Variants in TGFB2 observed in about 807,000 individuals in gnomAD.
TGFB2 encodes the protein transforming growth factor beta 2.
A neutral mutation model predicts 42.7 loss-of-function variants in TGFB2; 13 were observed. That is an observed-to-expected ratio of 0.30 (90% confidence interval 0.20 to 0.48). TGFB2 has a LOEUF of 0.48. Ranked by LOEUF, TGFB2 falls within the 20% of genes least tolerant of loss-of-function variation. The pLI is 0.99. For synonymous variants in TGFB2, 193 were observed against 193.6 expected, an observed-to-expected ratio of 1.00 and a Z score of 0.03; for missense variants, 390 against 517.5, an observed-to-expected ratio of 0.75 and a Z score of 2.39.
At chr1:218,384,670 C>T (rs1385128805) in intron 1 of TGFB2, among the ~76,000 whole-genome samples, 2 of 152,194 alleles carry the variant, frequency 1.3e-5, no homozygotes, top group Non-Finnish European at 2.9e-5. Context: ...GGCTGGCTTT[C>T]CAGGCAGTGG....
Position 218,405,332 on chromosome 1 carries a change from G to C in TGFB2, c.510G>C (p.Gln170His). The change falls in exon 2 of 7, where the codon CAG becomes CAC. Residue 170 changes from glutamine (Q) to histidine (H), a missense_variant and splice_region_variant. By Grantham distance (24) the Gln-to-His change is conservative. Coordinates refer to ENST00000366930, the MANE Select transcript of TGFB2 (RefSeq NM_003238.6). Reference sequence around the variant, plus strand: ...CTGAACAACGGATTGAGCTATATCAGGTAATGTTCATTTGTTGTTGTTGTT... The same window carrying C: ...CTGAACAACGGATTGAGCTATATCACGTAATGTTCATTTGTTGTTGTTGTT... ...RVPEQRIELY[Q>H]ILKSKDLTSP... 5 of 1,612,482 alleles carry C rather than the reference G, an allele frequency of 3.1e-6. No homozygotes were observed. Among genetic ancestry groups the C allele is most frequent in the Non-Finnish European group, 4.2e-6 (5 of 1,179,906 alleles).
At chr1:218,401,756 C>T (rs56019581) in intron 1 of TGFB2, among the ~76,000 whole-genome samples, 1 of 152,080 alleles carries the variant, frequency 6.6e-6, no homozygotes, top group Non-Finnish European at 1.5e-5. Flanking sequence ...CAAGACTAAG[C>T]GGGTGGATCA....
At chr1:218,377,960 GTTTGT>G (rs1033955718) in intron 1 of TGFB2, among the ~76,000 whole-genome samples, 1 of 122,238 alleles carries the variant, frequency 8.2e-6, no homozygotes, top group Admixed American at 7.4e-5. Context: ...ATTATAGTGT[GTTTGT>G]TTGTTTGTTT....
Position 218,441,466 on chromosome 1 carries a change from T to C in TGFB2, c.*104T>C. The C allele has an allele frequency of 7.7e-7, 1 of 1,295,370 alleles. No homozygotes were observed. The highest frequency in any genetic ancestry group is 1.0e-6 in the Non-Finnish European group (1 of 973,480). The allele number at this position is 1,295,370 out of a possible 1,614,324, so 80.2% of individuals were successfully genotyped here. On this transcript the variant is annotated 3_prime_UTR_variant, in exon 7 of 7. Coordinates refer to ENST00000366930, the MANE Select transcript of TGFB2 (RefSeq NM_003238.6). Reference sequence around the variant, plus strand: ...ACAAGAAAACATAAGAGAGCCTTGGTTCATCAGTGTTAAAAAATTTTTGAA... The same window carrying C: ...ACAAGAAAACATAAGAGAGCCTTGGCTCATCAGTGTTAAAAAATTTTTGAA...
rs1658335953 is a variant in TGFB2 at position 218,392,166 on chromosome 1, A to AT, written c.347-13003_347-13002insT. Reference sequence around the variant, plus strand: ...AGAGATCGAGACCATCCTGGCCAATACGTGAAACCCCATCTCTACTAAAAA... The same window carrying AT: ...AGAGATCGAGACCATCCTGGCCAATATCGTGAAACCCCATCTCTACTAAAAA... On this transcript the variant is annotated intron_variant, in intron 1 of 6. Transcript: ENST00000366930. Among the ~76,000 whole-genome samples the AT allele has an allele frequency of 2.0e-5, 3 of 152,288 alleles. No homozygotes were observed. In the South Asian group the frequency reaches 6.2e-4, roughly 32 times the overall value.
At chr1:218,418,219 G>A (rs1403856137) in intron 2 of TGFB2, among the ~76,000 whole-genome samples, 2 of 152,244 alleles carry the variant, frequency 1.3e-5, no homozygotes, top group East Asian at 1.9e-4. Flanking sequence ...AAGCCATGGG[G>A]GCAGAGCTGC....
intron 1 of TGFB2, among the ~76,000 whole-genome samples, chr1:218,363,036 C>T (rs974548793): frequency 1.3e-5 from 2 of 152,136 alleles, no homozygotes; most frequent in Admixed American, 6.5e-5. Context: ...ATTTATTTTA[C>T]CGTTTCAGTA....
intron 1 of TGFB2, among the ~76,000 whole-genome samples, chr1:218,386,339 G>T (rs1658136699): frequency 1.3e-5 from 2 of 152,140 alleles, no homozygotes; most frequent in South Asian, 4.1e-4. Context: ...AACCTAGTAG[G>T]CACTATCAAT....
intron 1 of TGFB2, chr1:218,363,381 T>C: frequency 6.2e-7 from 1 of 1,614,050 alleles, no homozygotes; most frequent in Non-Finnish European, 8.5e-7. Context: ...GGGCAGCTTG[T>C]GCTCCAGACA....
chr1:218,435,957 G>C lies in TGFB2; in HGVS notation c.755-13G>C, dbSNP rs764733060. 3 of 1,589,676 alleles carry C rather than the reference G, an allele frequency of 1.9e-6. No homozygotes were observed. The highest frequency in any genetic ancestry group is 1.2e-5 in the South Asian group (1 of 86,176). On this transcript the variant is annotated splice_polypyrimidine_tract_variant and intron_variant, in intron 4 of 6. Transcript: ENST00000366930. ...GAAGCTAAATGTTTATTACCCAAAT[G>C]CATTTTTTCAAGGTATTGATGGCAC...
intron 2 of TGFB2, among the ~76,000 whole-genome samples, chr1:218,423,069 T>A (rs1558256796): frequency 6.6e-6 from 1 of 152,156 alleles, no homozygotes; most frequent in Non-Finnish European, 1.5e-5. Context: ...GGGAGTGATG[T>A]GTTGGAGAAT....
intron 1 of TGFB2, among the ~76,000 whole-genome samples, chr1:218,364,202 G>A (rs768168583): frequency 4.6e-5 from 7 of 152,238 alleles, no homozygotes; most frequent in East Asian, 1.9e-4. Context: ...GAAATGGATC[G>A]TCATGGGTCA....
chr1:218,417,618 T>C (rs187701710), intron 2 of TGFB2, among the ~76,000 whole-genome samples: 2 of 152,262 alleles, frequency 1.3e-5, no homozygotes, highest in East Asian at 3.9e-4. Flanking sequence ...CCCAAGACAA[T>C]GGGAAAAATG....
chr1:218,389,016 T>C (rs1658229650), intron 1 of TGFB2, among the ~76,000 whole-genome samples: 1 of 152,136 alleles, frequency 6.6e-6, no homozygotes, highest in Non-Finnish European at 1.5e-5. Context: ...GAGCTCGATG[T>C]CAGAAGATGA....
At chr1:218,438,932 C>T (rs1362314604) in intron 6 of TGFB2, among the ~76,000 whole-genome samples, 1 of 152,022 alleles carries the variant, frequency 6.6e-6, no homozygotes, top group Admixed American at 6.6e-5. Flanking sequence ...GATGATGAAA[C>T]CCCGTCTCTA....
chr1:218,407,462 T>G (rs947023043), intron 2 of TGFB2, among the ~76,000 whole-genome samples: 1 of 152,142 alleles, frequency 6.6e-6, no homozygotes, highest in East Asian at 1.9e-4. Context: ...AACCTGTTTT[T>G]GAGACTTTTA....
intron 2 of TGFB2, among the ~76,000 whole-genome samples, chr1:218,415,938 A>G (rs959125430): frequency 2.6e-5 from 4 of 152,032 alleles, no homozygotes; most frequent in African/African-American, 9.7e-5. Context: ...AACATGGTTC[A>G]TATTTCCCCT....
At chr1:218,411,829 C>T (rs1414741034) in intron 2 of TGFB2, among the ~76,000 whole-genome samples, 5 of 149,066 alleles carry the variant, frequency 3.4e-5, no homozygotes, top group Admixed American at 3.4e-4. Flanking sequence ...TGCACCACTG[C>T]ACTCCAGCCT....
At position 218,442,564 on chromosome 1, in the gene TGFB2, T is replaced by A. The variant is rs1660189334; in HGVS notation, c.*1202T>A. Reference sequence around the variant, plus strand: ...GTACTTTTGAGTAAAGCCCCTATAGTTTGACTTGCACTACAAATGCATTTT... The same window carrying A: ...GTACTTTTGAGTAAAGCCCCTATAGATTGACTTGCACTACAAATGCATTTT... On this transcript the variant is annotated 3_prime_UTR_variant, in exon 7 of 7. Transcript: ENST00000366930. The A allele has an allele frequency of 6.6e-6, 1 of 152,028 alleles. No individual in the cohort carries two copies. Among genetic ancestry groups the A allele is most frequent in the Admixed American group, 6.6e-5 (1 of 15,254 alleles). The allele number at this position is 152,028 out of a possible 1,614,324, so 9.4% of individuals were successfully genotyped here.
Sources: allele counts gnomAD v4.1 joint callset (sites outside exome capture counted in the v4.1 genomes callset), GRCh38; gene constraint gnomAD v4.1.1; transcripts MANE v1.5; gene names NCBI Gene and HGNC (gene_info 2026-07-23, HGNC 2026-07-21).